Variants in SLC9A9 observed in about 807,000 individuals in gnomAD.
The protein encoded by SLC9A9 is solute carrier family 9 member A9.
SLC9A9 carries 62 observed loss-of-function variants against 77.8 expected under a neutral mutation model. The observed-to-expected ratio is 0.80, with a 90% CI of 0.65 to 0.98. SLC9A9 has a LOEUF of 0.98. SLC9A9 is among the 50% of genes least tolerant of loss of function. SLC9A9 has a pLI of 0.00. For synonymous variants in SLC9A9, 320 were observed against 283.5 expected, an observed-to-expected ratio of 1.13 and a Z score of -1.29; for missense variants, 775 against 774.9, an observed-to-expected ratio of 1.00 and a Z score of 0.00.
At chr3:143,670,799 CTG>C (rs1325558906) in intron 5 of SLC9A9, among the ~76,000 whole-genome samples, 4 of 152,330 alleles carry the variant, frequency 2.6e-5, no homozygotes, top group South Asian at 4.1e-4. Context: ...AGAGCAGAAC[CTG>C]TGTCTGGTTT....
At chr3:143,655,023 T>C (rs749487148) in intron 5 of SLC9A9, among the ~76,000 whole-genome samples, 1 of 152,240 alleles carries the variant, frequency 6.6e-6, no homozygotes, top group Non-Finnish European at 1.5e-5. Context: ...TGCACATTCT[T>C]GTCTACCCTG....
At chr3:143,319,399 G>T (rs1441312329) in intron 14 of SLC9A9, among the ~76,000 whole-genome samples, 1 of 152,194 alleles carries the variant, frequency 6.6e-6, no homozygotes, top group Non-Finnish European at 1.5e-5. Flanking sequence ...TTCCCATGGG[G>T]TTTGGGGTGG....
intron 2 of SLC9A9, among the ~76,000 whole-genome samples, chr3:143,805,856 T>C (rs1440158130): frequency 3.3e-5 from 5 of 152,088 alleles, no homozygotes; most frequent in Non-Finnish European, 7.4e-5. Flanking sequence ...CCGCCTGCAC[T>C]CAGGTGATTA....
At chr3:143,698,848 G>A (rs961738223) in intron 4 of SLC9A9, among the ~76,000 whole-genome samples, 2 of 152,126 alleles carry the variant, frequency 1.3e-5, no homozygotes, top group Non-Finnish European at 2.9e-5. Flanking sequence ...GAAAAGCCAC[G>A]TCCCTGACTG....
intron 14 of SLC9A9, chr3:143,312,942 A>G (rs534535218): frequency 6.6e-6 from 1 of 152,200 alleles, no homozygotes; most frequent in Non-Finnish European, 1.5e-5. Flanking sequence ...CTCCTTTCAA[A>G]TATCCTCCTT....
intron 6 of SLC9A9, among the ~76,000 whole-genome samples, chr3:143,633,859 T>A (rs2038468101): frequency 6.6e-6 from 1 of 152,228 alleles, no homozygotes; most frequent in South Asian, 2.1e-4. Flanking sequence ...TTGAGCTCTG[T>A]AATCCTTCTA....
intron 14 of SLC9A9, among the ~76,000 whole-genome samples, chr3:143,315,181 G>A (rs1343609535): frequency 1.3e-5 from 2 of 152,150 alleles, no homozygotes; most frequent in Non-Finnish European, 2.9e-5. Flanking sequence ...TAAATTTAAA[G>A]TACCTCAGCT....
intron 13 of SLC9A9, among the ~76,000 whole-genome samples, chr3:143,369,256 T>A (rs1033623058): frequency 6.6e-6 from 1 of 152,236 alleles, no homozygotes. Flanking sequence ...TTAAAGTGTA[T>A]ATCTATGTAT....
intron 4 of SLC9A9, among the ~76,000 whole-genome samples, chr3:143,746,310 C>G (rs1415975845): frequency 1.3e-5 from 2 of 152,172 alleles, no homozygotes; most frequent in African/African-American, 4.8e-5. Flanking sequence ...TATTCAAATA[C>G]TTATTTAGTG....
At chr3:143,821,612 T>C (rs2009168282) in intron 2 of SLC9A9, among the ~76,000 whole-genome samples, 1 of 152,230 alleles carries the variant, frequency 6.6e-6, no homozygotes, top group Non-Finnish European at 1.5e-5. Context: ...TAAGCCTGTA[T>C]TTAGTGATGG....
At chr3:143,362,534 T>G (rs759016889) in intron 14 of SLC9A9, among the ~76,000 whole-genome samples, 3 of 152,160 alleles carry the variant, frequency 2.0e-5, no homozygotes, top group Non-Finnish European at 2.9e-5. Context: ...CTGTCCATTT[T>G]TACCTCTTTT....
chr3:143,705,907 G>C (rs948539194), intron 4 of SLC9A9, among the ~76,000 whole-genome samples: 3 of 152,226 alleles, frequency 2.0e-5, no homozygotes, highest in Admixed American at 2.0e-4. Flanking sequence ...CAGAAGGAGA[G>C]AGAAGTCATC....
At chr3:143,508,454 G>T (rs1576543588) in intron 9 of SLC9A9, among the ~76,000 whole-genome samples, 1 of 152,218 alleles carries the variant, frequency 6.6e-6, no homozygotes, top group African/African-American at 2.4e-5. Context: ...AGCAGGCTTT[G>T]TCACTGCCAG....
At chr3:143,607,660 A>G (rs1037199115) in intron 6 of SLC9A9, among the ~76,000 whole-genome samples, 1 of 152,092 alleles carries the variant, frequency 6.6e-6, no homozygotes, top group Non-Finnish European at 1.5e-5. Flanking sequence ...GAGTCACTCC[A>G]TAGTAATAGA....
intron 12 of SLC9A9, among the ~76,000 whole-genome samples, chr3:143,434,099 A>T (rs1242042826): frequency 6.6e-6 from 1 of 152,166 alleles, no homozygotes; most frequent in Non-Finnish European, 1.5e-5. Context: ...GCACTGTATA[A>T]TAATACCCCC....
At chr3:143,652,219 T>C in intron 6 of SLC9A9, 36 bp downstream of exon 6, 3 of 1,499,424 alleles carry the variant, frequency 2.0e-6, no homozygotes, top group Non-Finnish European at 1.8e-6. Flanking sequence ...ATATTTCACA[T>C]GATTAAAGAA....
At chr3:143,649,803 T>C (rs1203801768) in intron 6 of SLC9A9, among the ~76,000 whole-genome samples, 1 of 152,186 alleles carries the variant, frequency 6.6e-6, no homozygotes, top group Non-Finnish European at 1.5e-5. Flanking sequence ...CACATCAAAA[T>C]GGAAAACTTT....
chr3:143,651,868 A>G (rs2038801982), intron 6 of SLC9A9, among the ~76,000 whole-genome samples: 1 of 152,256 alleles, frequency 6.6e-6, no homozygotes, highest in African/African-American at 2.4e-5. Context: ...CAATCTGCCA[A>G]TCTGCCCATA....
chr3:143,485,440 A>T (rs1445263594), intron 11 of SLC9A9, among the ~76,000 whole-genome samples: 1 of 152,220 alleles, frequency 6.6e-6, no homozygotes. Flanking sequence ...GTCATTAAAA[A>T]ATAACTACAT....
Sources: allele counts gnomAD v4.1 joint callset (sites outside exome capture counted in the v4.1 genomes callset), GRCh38; gene constraint gnomAD v4.1.1; transcripts MANE v1.5; gene names NCBI Gene and HGNC (gene_info 2026-07-23, HGNC 2026-07-21).